UTS2B: variants seen among roughly 807,000 people sequenced by gnomAD.
UTS2B encodes urotensin 2B, also known as urotensin-2B.
Under a neutral mutation model 19.2 loss-of-function variants are expected in UTS2B, and 21 were observed. The observed-to-expected ratio is 1.09, with a 90% CI of 0.78 to 1.58. The LOEUF (loss-of-function observed/expected upper bound fraction) is 1.58, where lower values mean the gene tolerates loss of function less well. UTS2B is among the 40% of genes most tolerant of loss of function. The pLI is 0.00. For synonymous variants in UTS2B, 57 were observed against 50.2 expected (o/e 1.14, Z -0.58); for missense variants, 138 against 130.3 (o/e 1.06, Z -0.29).
chr3:191,298,521 G>A (rs1367321503), intron 4 of UTS2B, among the ~76,000 whole-genome samples: 1 of 152,166 alleles, frequency 6.6e-6, no homozygotes, highest in African/African-American at 2.4e-5. Flanking sequence ...TGTTTCCTGA[G>A]GCCTCCCCAG....
intron 2 of UTS2B, among the ~76,000 whole-genome samples, chr3:191,316,721 A>G (rs965816701): frequency 1.3e-5 from 2 of 152,220 alleles, no homozygotes; most frequent in African/African-American, 4.8e-5. Flanking sequence ...CCAAGTCCCC[A>G]CTTGATTAGC....
chr3:191,335,859 T>G, the UTS2B span, among the ~76,000 whole-genome samples: 1 of 152,136 alleles, frequency 6.6e-6, no homozygotes. Flanking sequence ...TTGACAAATG[T>G]GTAGTCTTGG....
intron 4 of UTS2B, among the ~76,000 whole-genome samples, chr3:191,297,050 A>C (rs1435065): frequency 0.66 from 99,866 of 152,006 alleles, 32,785 homozygotes; most frequent in African/African-American, 0.67. Context: ...GAGAAAGAAA[A>C]AAAAACCTTT....
intron 4 of UTS2B, among the ~76,000 whole-genome samples, chr3:191,287,492 GAACAA>G (rs1333750631): frequency 6.6e-6 from 1 of 151,880 alleles, no homozygotes; most frequent in Non-Finnish European, 1.5e-5. Flanking sequence ...ATCGAACGAA[GAACAA>G]AACTATACAA....
chr3:191,317,972 A>T (rs759644102), intron 2 of UTS2B, among the ~76,000 whole-genome samples: 1 of 152,190 alleles, frequency 6.6e-6, no homozygotes, highest in Non-Finnish European at 1.5e-5. Context: ...GTCAAGGCTT[A>T]TAAGTCTCAG....
At chr3:191,320,498 A>G (rs1717585511) in intron 2 of UTS2B, among the ~76,000 whole-genome samples, 1 of 152,174 alleles carries the variant, frequency 6.6e-6, no homozygotes, top group Admixed American at 6.5e-5. Flanking sequence ...GTACAAATCA[A>G]TGACATGCTC....
intron 1 of UTS2B, chr3:191,329,626 G>A (rs552812594): frequency 6.3e-7 from 1 of 1,582,028 alleles, no homozygotes; most frequent in Admixed American, 1.8e-5. Flanking sequence ...CGGCGCCGGC[G>A]GTGACCGGGA....
At chr3:191,345,461 C>T in the UTS2B span, among the ~76,000 whole-genome samples, 1 of 152,200 alleles carries the variant, frequency 6.6e-6, no homozygotes, top group Non-Finnish European at 1.5e-5. Context: ...CTCTTCCTCT[C>T]ACTCCAGATC....
intron 4 of UTS2B, among the ~76,000 whole-genome samples, chr3:191,289,405 T>C (rs972297634): frequency 9.9e-6 from 1 of 100,976 alleles, no homozygotes; most frequent in Non-Finnish European, 2.0e-5. Flanking sequence ...CAAGACTCCA[T>C]CTCAATAAAT....
At chr3:191,320,385 G>A (rs1042800845) in intron 2 of UTS2B, among the ~76,000 whole-genome samples, 1 of 152,220 alleles carries the variant, frequency 6.6e-6, no homozygotes, top group Non-Finnish European at 1.5e-5. Context: ...TGAGGACAGG[G>A]CAGTGAGAAG....
chr3:191,279,202 A>G (rs542249346), intron 5 of UTS2B, among the ~76,000 whole-genome samples: 1 of 152,208 alleles, frequency 6.6e-6, no homozygotes, highest in African/African-American at 2.4e-5. Context: ...TACATTAACC[A>G]AAGATACCTA....
chr3:191,283,573 G>C (rs1290119311), intron 4 of UTS2B, among the ~76,000 whole-genome samples: 2 of 152,154 alleles, frequency 1.3e-5, no homozygotes, highest in African/African-American at 2.4e-5. Flanking sequence ...TTTGAGAGCA[G>C]TTACAGTCAT....
chr3:191,338,288 C>T, the UTS2B span, among the ~76,000 whole-genome samples: 1 of 152,086 alleles, frequency 6.6e-6, no homozygotes, highest in African/African-American at 2.4e-5. Flanking sequence ...TTAGGTTTTT[C>T]TTTTATATTA....
At position 191,291,514 on chromosome 3, in the gene UTS2B, G is replaced by A. The variant is rs574303537; in HGVS notation, c.-124-9201C>T. Among the ~76,000 whole-genome samples the A allele has an allele frequency of 8.6e-5, 13 of 151,810 alleles. No homozygotes were observed. In the East Asian group the frequency reaches 9.7e-4, roughly 11 times the overall value. On this transcript the variant is annotated intron_variant, in intron 4 of 8. Coordinates refer to ENST00000340524, the MANE Select transcript of UTS2B (RefSeq NM_198152.5). ...GTCACCCAGGCTGGAGTGCAGTGGC[G>A]CCATCTCGGCTCACTGCAAGCTCCA...
At chr3:191,323,412 G>A (rs994253788) in intron 2 of UTS2B, among the ~76,000 whole-genome samples, 13 of 152,078 alleles carry the variant, frequency 8.5e-5, no homozygotes, top group African/African-American at 2.9e-4. Flanking sequence ...CAGGTGGTTC[G>A]CCCACCTGGA....
intron 4 of UTS2B, among the ~76,000 whole-genome samples, chr3:191,294,151 A>G (rs1425252086): frequency 2.0e-5 from 3 of 151,890 alleles, no homozygotes; most frequent in Non-Finnish European, 4.4e-5. Context: ...AAACAAAGTG[A>G]GTAGGGGATT....
the UTS2B span, among the ~76,000 whole-genome samples, chr3:191,337,666 A>T: frequency 6.6e-6 from 1 of 152,128 alleles, no homozygotes; most frequent in African/African-American, 2.4e-5. Context: ...AGAAAAAAAA[A>T]TTACACTCCG....
chr3:191,280,011 A>G (rs1716341059), intron 5 of UTS2B, among the ~76,000 whole-genome samples: 1 of 152,130 alleles, frequency 6.6e-6, no homozygotes. Flanking sequence ...CACACATTTG[A>G]CACAAAAGAT....
At chr3:191,291,966 T>C (rs1162612141) in intron 4 of UTS2B, among the ~76,000 whole-genome samples, 1 of 152,206 alleles carries the variant, frequency 6.6e-6, no homozygotes, top group Non-Finnish European at 1.5e-5. Context: ...TCCATTCTTA[T>C]ACAAGTAAAA....
Sources: allele counts gnomAD v4.1 joint callset (sites outside exome capture counted in the v4.1 genomes callset), GRCh38; gene constraint gnomAD v4.1.1; transcripts MANE v1.5; gene names NCBI Gene and HGNC (gene_info 2026-07-23, HGNC 2026-07-21).